The following ARID5B variants were observed in gnomAD, a reference collection of about 807,000 sequenced individuals.
ARID5B encodes the protein AT-rich interactive domain-containing protein 5B.
Under a neutral mutation model 97.2 loss-of-function variants are expected in ARID5B, and 13 were observed. That is an observed-to-expected ratio of 0.13 (90% CI 0.09 to 0.21). The LOEUF is 0.21. Among genes scored for constraint, ARID5B ranks in the 10% least tolerant of loss-of-function variants. The probability of loss-of-function intolerance (pLI) is 1.00; values close to 1 mark genes in which losing one functional copy is unlikely to be tolerated. For synonymous variants in ARID5B, 556 were observed against 570.3 expected (o/e 0.97, Z 0.36); for missense variants, 1,210 against 1,465.3 (o/e 0.83, Z 2.84).
chr10:62,063,887 A>G (rs1056100435), intron 7 of ARID5B, among the ~76,000 whole-genome samples: 2 of 152,186 alleles, frequency 1.3e-5, no homozygotes, highest in Non-Finnish European at 2.9e-5. Flanking sequence ...TATTACCAGG[A>G]TGCAGCATAT....
chr10:62,028,862 G>A (rs892473977), intron 4 of ARID5B, among the ~76,000 whole-genome samples: 10 of 151,824 alleles, frequency 6.6e-5, no homozygotes, highest in African/African-American at 2.4e-4. Flanking sequence ...TTGGGAGGCT[G>A]AGGCAGGAGA....
At chr10:61,991,698 TG>T (rs1248083881) in intron 3 of ARID5B, among the ~76,000 whole-genome samples, 4 of 152,184 alleles carry the variant, frequency 2.6e-5, no homozygotes, top group Non-Finnish European at 5.9e-5. Context: ...GTCTATTGTT[TG>T]TTGTTTTCTT....
intron 4 of ARID5B, among the ~76,000 whole-genome samples, chr10:62,047,132 T>C (rs1481377510): frequency 6.6e-6 from 1 of 152,148 alleles, no homozygotes; most frequent in African/African-American, 2.4e-5. Flanking sequence ...ATTTGTATGG[T>C]CTGAGACAAG....
At chr10:61,937,060 A>G (rs1427345077) in intron 2 of ARID5B, among the ~76,000 whole-genome samples, 1 of 152,146 alleles carries the variant, frequency 6.6e-6, no homozygotes, top group Non-Finnish European at 1.5e-5. Flanking sequence ...ACTGAACCTC[A>G]CTGTCCTCAT....
intron 4 of ARID5B, among the ~76,000 whole-genome samples, chr10:62,020,463 G>A (rs973299984): frequency 6.6e-6 from 1 of 152,102 alleles, no homozygotes; most frequent in South Asian, 2.1e-4. Flanking sequence ...GGATTGATGG[G>A]ACTTTGACAT....
chr10:62,006,869 G>A (rs1005990950), intron 4 of ARID5B, among the ~76,000 whole-genome samples: 1 of 152,150 alleles, frequency 6.6e-6, no homozygotes, highest in Admixed American at 6.5e-5. Context: ...ACCTTTTGTA[G>A]CTGAGTGGGC....
chr10:62,088,220 C>T (rs1172713661), intron 9 of ARID5B, among the ~76,000 whole-genome samples: 1 of 152,136 alleles, frequency 6.6e-6, no homozygotes, highest in Non-Finnish European at 1.5e-5. Flanking sequence ...TGGCCAAAAG[C>T]AAGGAAATTC....
chr10:62,001,368 A>G (rs999415715), intron 4 of ARID5B, among the ~76,000 whole-genome samples: 3 of 152,138 alleles, frequency 2.0e-5, no homozygotes, highest in African/African-American at 7.2e-5. Flanking sequence ...CTGGGTGAAG[A>G]AGAGGTTGAG....
In ARID5B at chr10:62,095,151, A is replaced by C. The variant is rs1419766872; in HGVS notation, c.*2121A>C. On this transcript the variant is annotated 3_prime_UTR_variant, in exon 10 of 10. Coordinates refer to ENST00000279873, the MANE Select transcript of ARID5B (RefSeq NM_032199.3). ...AACCATAGATAGACTAGTAGAATTT[A>C]GATTATAAATGTGTGAGTGCAGATT... 1.3e-5 allele frequency: 3 copies of C among 232,276 alleles called. No homozygotes were observed. Among genetic ancestry groups the C allele is most frequent in the African/African-American group, 6.6e-5 (3 of 45,250 alleles). 14.4% of individuals were successfully genotyped at this position (232,276 alleles called of 1,614,324 possible).
chr10:62,011,374 T>G (rs1291586614), intron 4 of ARID5B, among the ~76,000 whole-genome samples: 2 of 152,216 alleles, frequency 1.3e-5, no homozygotes, highest in Non-Finnish European at 2.9e-5. Context: ...TTGTCTTTTC[T>G]GCAGCACAGT....
At chr10:61,932,035 A>T (rs888158665) in intron 2 of ARID5B, among the ~76,000 whole-genome samples, 5 of 152,162 alleles carry the variant, frequency 3.3e-5, no homozygotes, top group African/African-American at 7.2e-5. Context: ...ATATGGGTTC[A>T]CACAAAAACC....
chr10:61,978,128 A>T (rs1356422364), intron 3 of ARID5B, among the ~76,000 whole-genome samples: 3 of 152,232 alleles, frequency 2.0e-5, no homozygotes, highest in Admixed American at 2.0e-4. Flanking sequence ...TCCTTTCCCC[A>T]TTCCTTGTTT....
At chr10:61,964,730 A>C (rs1221314401) in intron 3 of ARID5B, among the ~76,000 whole-genome samples, 1 of 152,194 alleles carries the variant, frequency 6.6e-6, no homozygotes, top group African/African-American at 2.4e-5. Context: ...GCTTTGGGGT[A>C]GTTTTTTGGT....
Position 62,093,106 on chromosome 10 carries a change from G to C in ARID5B, c.*76G>C. ...CCTTACCCAGGAGTGCTGGCTTATA[G>C]AGTTAGAAGTCAGTATTTCTTCTAA... On this transcript the variant is annotated 3_prime_UTR_variant, in exon 10 of 10. Transcript: ENST00000279873. The C allele has an allele frequency of 3.3e-6, 5 of 1,510,058 alleles. No homozygotes were observed. The highest frequency in any genetic ancestry group is 4.4e-6 in the Non-Finnish European group (5 of 1,137,796). The allele number at this position is 1,510,058 out of a possible 1,614,324, so 93.5% of individuals were successfully genotyped here.
chr10:61,998,383 G>T (rs573483910), intron 3 of ARID5B, among the ~76,000 whole-genome samples: 1 of 152,208 alleles, frequency 6.6e-6, no homozygotes, highest in Non-Finnish European at 1.5e-5. Flanking sequence ...TCCCTTTGGA[G>T]AAGCAAGTGA....
At chr10:62,029,745 C>T (rs150879710) in intron 4 of ARID5B, among the ~76,000 whole-genome samples, 115 of 152,334 alleles carry the variant, frequency 7.5e-4, no homozygotes, top group African/African-American at 2.7e-3. Flanking sequence ...GTAACAAATT[C>T]TGCCCTTATT....
chr10:62,091,171 C>T lies in ARID5B; in HGVS notation c.1708C>T (p.Leu570=). ...ACAGCCACTCACCTCTCCTAGTGCC[C>T]TGGTGGACTCAAAACAAGAATCCAA... is the stretch of plus-strand genomic sequence containing the variant. ...SKQPLTSPSA[L]VDSKQESKLC... The change falls in exon 10 of 10, where the codon CTG becomes TTG. Residue 570 remains leucine, a synonymous_variant. Coordinates refer to ENST00000279873, the MANE Select transcript of ARID5B (RefSeq NM_032199.3). The T allele has an allele frequency of 1.2e-6, 2 of 1,614,176 alleles. No individual in the cohort carries two copies. Among genetic ancestry groups the T allele is most frequent in the Non-Finnish European group, 1.7e-6 (2 of 1,180,028 alleles).
Position 62,093,165 on chromosome 10 carries a change from C to G in ARID5B, c.*135C>G. On this transcript the variant is annotated 3_prime_UTR_variant, in exon 10 of 10. Transcript: ENST00000279873. ...TATGATCAGTCCCAGCTGTAGGGGC[C>G]CAGAGGGGAGGTGAACATGCCTGAT... 7.4e-7 allele frequency: 1 copy of G among 1,345,368 alleles called. No individual in the cohort carries two copies. The highest frequency in any genetic ancestry group is 2.4e-5 in the East Asian group (1 of 41,956). The allele number at this position is 1,345,368 out of a possible 1,614,324, so 83.3% of individuals were successfully genotyped here.
At chr10:61,939,802 C>T (rs1844367563) in intron 2 of ARID5B, among the ~76,000 whole-genome samples, 1 of 152,130 alleles carries the variant, frequency 6.6e-6, no homozygotes, top group Non-Finnish European at 1.5e-5. Context: ...ACAGGCTCAC[C>T]ATTAGTCATC....
Sources: gnomAD v4.1 joint callset for allele counts (sites outside exome capture counted in the v4.1 genomes callset) on GRCh38, gnomAD v4.1.1 for gene constraint, MANE v1.5 for transcripts, NCBI Gene and HGNC (gene_info 2026-07-23, HGNC 2026-07-21) for gene names.